The following ASCC1 variants were observed in gnomAD, a reference collection of about 807,000 sequenced individuals.
ASCC1 encodes the protein ASC-1 complex subunit P50.
Under a neutral mutation model 46.6 loss-of-function variants are expected in ASCC1, and 35 were observed. The observed-to-expected ratio is 0.75, with a 90% CI of 0.57 to 0.99. ASCC1 has a LOEUF of 0.99. Ranked by LOEUF, ASCC1 falls within the 50% of genes least tolerant of loss-of-function variation. ASCC1 has a pLI of 0.00. For missense variants in ASCC1, 376 were observed against 428.7 expected (o/e 0.88, Z 1.09); for synonymous variants, 143 against 146.6 (o/e 0.98, Z 0.18).
intron 5 of ASCC1, among the ~76,000 whole-genome samples, chr10:72,175,458 TG>T (rs991169455): frequency 6.6e-6 from 1 of 152,216 alleles, no homozygotes; most frequent in African/African-American, 2.4e-5. Flanking sequence ...TCAGAAAAGC[TG>T]ACTTTGATTT....
chr10:72,184,317 T>A (rs1853124216), intron 5 of ASCC1, among the ~76,000 whole-genome samples: 1 of 151,680 alleles, frequency 6.6e-6, no homozygotes, highest in Admixed American at 6.6e-5. Context: ...TAGAATTACA[T>A]TAAACGTAAA....
At chr10:72,143,756 T>G (rs1318272353) in intron 7 of ASCC1, among the ~76,000 whole-genome samples, 2 of 151,466 alleles carry the variant, frequency 1.3e-5, no homozygotes, top group Non-Finnish European at 2.9e-5. Flanking sequence ...GTATCTTTAC[T>G]GACTTTATAT....
intron 8 of ASCC1, among the ~76,000 whole-genome samples, chr10:72,131,812 TA>T (rs1845638806): frequency 6.6e-6 from 1 of 150,890 alleles, no homozygotes; most frequent in Non-Finnish European, 1.5e-5. Flanking sequence ...TTGTCCTAAC[TA>T]AAAACCTACA....
intron 5 of ASCC1, among the ~76,000 whole-genome samples, chr10:72,192,312 G>C (rs1334970052): frequency 6.6e-6 from 1 of 152,012 alleles, no homozygotes; most frequent in Admixed American, 6.6e-5. Flanking sequence ...AAAATTAGCC[G>C]GGCATGGTGA....
intron 5 of ASCC1, among the ~76,000 whole-genome samples, chr10:72,195,633 C>T (rs1418540402): frequency 6.6e-6 from 1 of 150,802 alleles, no homozygotes; most frequent in Non-Finnish European, 1.5e-5. Context: ...GAGTTCGAGA[C>T]TGACCAGCCT....
At chr10:72,216,994 C>T, upstream of ASCC1, 1 of 455,286 alleles carries the variant, frequency 2.2e-6, no homozygotes, top group Non-Finnish European at 4.4e-6. Flanking sequence ...CAGCGCTTCT[C>T]TATCTCCTGC....
intron 9 of ASCC1, among the ~76,000 whole-genome samples, chr10:72,109,075 C>G (rs555509778): frequency 4.6e-5 from 7 of 152,138 alleles, no homozygotes; most frequent in Non-Finnish European, 1.0e-4. Context: ...CTGCAGTGAT[C>G]AGTGGTGTGA....
At chr10:72,165,667 A>T (rs965240689) in intron 5 of ASCC1, among the ~76,000 whole-genome samples, 3 of 152,222 alleles carry the variant, frequency 2.0e-5, no homozygotes, top group South Asian at 2.1e-4. Context: ...CTATTTTTAC[A>T]TCTGATGAAA....
chr10:72,202,705 C>G (rs1371929028), intron 4 of ASCC1, among the ~76,000 whole-genome samples: 1 of 152,054 alleles, frequency 6.6e-6, no homozygotes, highest in African/African-American at 2.4e-5. Flanking sequence ...CCTTCCTAGT[C>G]TACAAAATCA....
At chr10:72,181,784 C>T (rs1248339383) in intron 5 of ASCC1, among the ~76,000 whole-genome samples, 2 of 152,054 alleles carry the variant, frequency 1.3e-5, no homozygotes, top group Admixed American at 6.6e-5. Context: ...CTCCCGGGTT[C>T]AAGCGATTCT....
intron 5 of ASCC1, among the ~76,000 whole-genome samples, chr10:72,194,240 C>A (rs997108134): frequency 6.7e-6 from 1 of 150,340 alleles, no homozygotes; most frequent in African/African-American, 2.4e-5. Context: ...AGAACACTCC[C>A]AAAGAAAAAT....
chr10:72,200,112 T>A (rs1856280226), intron 4 of ASCC1, among the ~76,000 whole-genome samples: 1 of 152,104 alleles, frequency 6.6e-6, no homozygotes, highest in Admixed American at 6.6e-5. Context: ...CTTTTCTGGA[T>A]AAGTTCTGGA....
At chr10:72,115,746 A>C (rs1159611008) in intron 9 of ASCC1, among the ~76,000 whole-genome samples, 2 of 152,192 alleles carry the variant, frequency 1.3e-5, no homozygotes, top group Non-Finnish European at 2.9e-5. Flanking sequence ...CAGGTTGGAG[A>C]GAATAAATAG....
chr10:72,193,060 T>A (rs1394455138), intron 5 of ASCC1, among the ~76,000 whole-genome samples: 1 of 152,240 alleles, frequency 6.6e-6, no homozygotes, highest in African/African-American at 2.4e-5. Context: ...ACATGCATTC[T>A]GAAAAACAGT....
intron 7 of ASCC1, among the ~76,000 whole-genome samples, chr10:72,135,870 A>T (rs1339550241): frequency 6.6e-6 from 1 of 152,248 alleles, no homozygotes; most frequent in Admixed American, 6.5e-5. Context: ...ATTGAATGTC[A>T]AAGAACACAA....
At chr10:72,174,248 A>C (rs1205438646) in intron 5 of ASCC1, among the ~76,000 whole-genome samples, 1 of 152,184 alleles carries the variant, frequency 6.6e-6, no homozygotes, top group Admixed American at 6.5e-5. Flanking sequence ...TCACCACATC[A>C]TCACAGGCCC....
At chr10:72,215,191 G>A (rs1031190971) in intron 1 of ASCC1, among the ~76,000 whole-genome samples, 2 of 152,186 alleles carry the variant, frequency 1.3e-5, no homozygotes, top group African/African-American at 4.8e-5. Context: ...CTGAGGCCAG[G>A]AGTTCGAGAC....
intron 9 of ASCC1, among the ~76,000 whole-genome samples, chr10:72,124,747 T>C (rs1190322933): frequency 2.1e-5 from 3 of 143,266 alleles, no homozygotes; most frequent in Non-Finnish European, 1.5e-5. Flanking sequence ...TTTTTTTTGC[T>C]ATCTCTTAGA....
chr10:72,119,668 A>G (rs1843946814), intron 9 of ASCC1, among the ~76,000 whole-genome samples: 1 of 152,132 alleles, frequency 6.6e-6, no homozygotes, highest in African/African-American at 2.4e-5. Flanking sequence ...CCTTTCACCC[A>G]GTACATCACG....
Sources: allele counts gnomAD v4.1 joint callset (sites outside exome capture counted in the v4.1 genomes callset), GRCh38; gene constraint gnomAD v4.1.1; transcripts MANE v1.5; gene names NCBI Gene and HGNC (gene_info 2026-07-23, HGNC 2026-07-21).